PCDH15: variants seen among roughly 807,000 people sequenced by gnomAD.
The protein encoded by PCDH15 is protocadherin related 15, also known as protocadherin-15.
Under a neutral mutation model 178.5 loss-of-function variants are expected in PCDH15, and 129 were observed. That is an observed-to-expected ratio of 0.72 (90% confidence interval 0.63 to 0.84). The LOEUF (loss-of-function observed/expected upper bound fraction) is 0.84. Among genes scored for constraint, PCDH15 ranks in the 40% least tolerant of loss-of-function variants. The pLI, the probability that PCDH15 is intolerant of heterozygous loss-of-function variation, is 0.00. For synonymous variants in PCDH15, 800 were observed against 732.0 expected, an observed-to-expected ratio of 1.09 and a Z score of -1.50; for missense variants, 2,230 against 2,099.9, an observed-to-expected ratio of 1.06 and a Z score of -1.21.
In PCDH15 at chr10:55,000,220, C is replaced by T. The variant is rs541079676; in HGVS notation, c.-79-102720G>A. On this transcript the variant is annotated intron_variant, in intron 2 of 5. Coordinates refer to the PCDH15 transcript ENST00000458638. ...AGGGCTTATTTCATCCCTACAGCTT[C>T]GACCATAAAAGACGGCCACCTGCTG... is the stretch of plus-strand genomic sequence containing the variant. Among the ~76,000 whole-genome samples, 34 of 152,240 alleles carry T rather than the reference C, an allele frequency of 2.2e-4. No individual in the cohort carries two copies. The East Asian group carries it at 5.2e-3, about 23-fold the overall frequency.
intron 1 of PCDH15, among the ~76,000 whole-genome samples, chr10:54,794,076 A>ATATATATT (rs956899661): frequency 6.1e-5 from 9 of 147,818 alleles, no homozygotes; most frequent in African/African-American, 2.2e-4. Flanking sequence ...TTTGAGATAT[A>ATATATATT]TATATATTTC....
intron 1 of PCDH15, among the ~76,000 whole-genome samples, chr10:54,675,403 A>G (rs1461007617): frequency 6.6e-6 from 1 of 151,644 alleles, no homozygotes; most frequent in Admixed American, 6.6e-5. Context: ...AAGATATTTT[A>G]TAAGTGAAAG....
rs138141312 is a variant in PCDH15 at position 53,986,865 on chromosome 10, C to T, written c.2868+8784G>A. ...CAAGGGTTATAAAGTTTTAATTGTG[C>T]TATTTTTGTTCTCATTTTCCAGATG... On this transcript the variant is annotated intron_variant, in intron 21 of 37. Coordinates refer to ENST00000644397, the MANE Select transcript of PCDH15 (RefSeq NM_001384140.1). Among the ~76,000 whole-genome samples the T allele has an allele frequency of 6.3e-4, 96 of 152,218 alleles. 2 individuals carry two copies. The East Asian group carries it at 0.016, about 25-fold the overall frequency.
At chr10:54,362,915 C>T (rs763265917) in intron 5 of PCDH15, among the ~76,000 whole-genome samples, 1 of 151,918 alleles carries the variant, frequency 6.6e-6, no homozygotes, top group Non-Finnish European at 1.5e-5. Context: ...TTGTTTTAAT[C>T]TATGTAATTT....
chr10:54,149,081 C>T (rs1029717119), intron 14 of PCDH15, among the ~76,000 whole-genome samples: 2 of 152,010 alleles, frequency 1.3e-5, no homozygotes, highest in African/African-American at 4.8e-5. Flanking sequence ...TATTTCAGAC[C>T]TTTGAGGCTG....
At chr10:55,494,380 A>T (rs1840487191) in intron 2 of PCDH15, among the ~76,000 whole-genome samples, 1 of 151,748 alleles carries the variant, frequency 6.6e-6, no homozygotes, top group Admixed American at 6.6e-5. Context: ...TGTCCCCTGT[A>T]AACCACAAGT....
chr10:54,635,166 A>G (rs1398285025), intron 2 of PCDH15, among the ~76,000 whole-genome samples: 2 of 146,814 alleles, frequency 1.4e-5, no homozygotes, highest in African/African-American at 5.1e-5. Context: ...GTCTCCTATA[A>G]ATAAATAAAT....
chr10:55,428,415 T>G (rs893275190), intron 2 of PCDH15, among the ~76,000 whole-genome samples: 3 of 151,948 alleles, frequency 2.0e-5, no homozygotes, highest in Admixed American at 6.5e-5. Flanking sequence ...ATGATCTTCA[T>G]TTTTGTAACA....
At chr10:53,954,803 C>A (rs1228536763) in intron 23 of PCDH15, among the ~76,000 whole-genome samples, 1 of 152,140 alleles carries the variant, frequency 6.6e-6, no homozygotes, top group Non-Finnish European at 1.5e-5. Context: ...AATAAATATT[C>A]ATTCTCTTGA....
At chr10:54,599,294 G>T (rs1452432316) in intron 2 of PCDH15, among the ~76,000 whole-genome samples, 2 of 151,962 alleles carry the variant, frequency 1.3e-5, no homozygotes, top group East Asian at 1.9e-4. Context: ...ACATGGTATT[G>T]GTACAAGAAC....
At chr10:54,802,595 AT>A (rs1564520805), upstream of PCDH15, among the ~76,000 whole-genome samples, 1 of 152,224 alleles carries the variant, frequency 6.6e-6, no homozygotes, top group Non-Finnish European at 1.5e-5. Flanking sequence ...AGATTTTAAA[AT>A]TGATGTGTTA....
intron 25 of PCDH15, among the ~76,000 whole-genome samples, chr10:53,911,275 C>G (rs2083068669): frequency 6.6e-6 from 1 of 152,172 alleles, no homozygotes; most frequent in Non-Finnish European, 1.5e-5. Context: ...GACCACAGTG[C>G]AATCAAATTA....
At chr10:54,164,806 TA>T (rs150393852) in intron 13 of PCDH15, among the ~76,000 whole-genome samples, 2,652 of 152,262 alleles carry the variant, frequency 0.017, 88 homozygotes, top group African/African-American at 0.061. Flanking sequence ...TTAGAAGTCA[TA>T]AGATATTATA....
At chr10:54,030,388 T>A (rs956591469) in intron 18 of PCDH15, among the ~76,000 whole-genome samples, 3 of 132,350 alleles carry the variant, frequency 2.3e-5, no homozygotes, top group Non-Finnish European at 3.3e-5. Context: ...TTTTTTTTTT[T>A]AAGGAGCTGA....
At chr10:55,293,670 G>T (rs1267615118) in intron 1 of PCDH15, among the ~76,000 whole-genome samples, 2 of 152,148 alleles carry the variant, frequency 1.3e-5, no homozygotes, top group African/African-American at 4.8e-5. Context: ...AGCAAATGCT[G>T]CCAGCCTCTT....
rs1025192403 is a variant in PCDH15 at position 53,805,202 on chromosome 10, A to C, written c.*1377T>G. ...GTGCATTATTCAGTCCTTCAACCAT[A>C]TATTAAGCATGCATGAGGAAATTTC... On this transcript the variant is annotated 3_prime_UTR_variant, in exon 38 of 38. Transcript: ENST00000644397. The C allele has an allele frequency of 6.6e-6, 1 of 152,056 alleles. No individual in the cohort carries two copies. The highest frequency in any genetic ancestry group is 2.4e-5 in the African/African-American group (1 of 41,436). The allele number at this position is 152,056 out of a possible 1,614,324, so 9.4% of individuals were successfully genotyped here. A position where few individuals can be genotyped will look rare whatever the true frequency, so the allele number is the denominator to read the frequency against.
At chr10:55,255,729 C>T (rs867217949) in intron 1 of PCDH15, among the ~76,000 whole-genome samples, 3 of 152,252 alleles carry the variant, frequency 2.0e-5, no homozygotes, top group Middle Eastern at 3.4e-3. Flanking sequence ...CTTCATGTGT[C>T]TTTTGGCTGC....
At position 55,168,939 on chromosome 10, in the gene PCDH15, A is replaced by G. The variant is rs182478694; in HGVS notation, c.-155-2288T>C. Among the ~76,000 whole-genome samples the G allele has an allele frequency of 1.3e-4, 20 of 152,278 alleles. 1 individual carries two copies. Among genetic ancestry groups the G allele is most frequent in the Admixed American group, 7.8e-4 (12 of 15,290 alleles). ...ATAGAGAGTGTAGGATTTCAATTAA[A>G]CAAATAATTTATGTTTATAAAGATT... is the stretch of plus-strand genomic sequence containing the variant. On this transcript the variant is annotated intron_variant, in intron 1 of 5. Coordinates refer to the PCDH15 transcript ENST00000458638.
At chr10:54,401,674 A>G (rs574284147) in intron 3 of PCDH15, among the ~76,000 whole-genome samples, 17 of 152,060 alleles carry the variant, frequency 1.1e-4, no homozygotes, top group African/African-American at 1.9e-4. Flanking sequence ...TGTAAAACTC[A>G]GTAGCTTAAG....
Sources: gnomAD v4.1 joint callset for allele counts (sites outside exome capture counted in the v4.1 genomes callset) on GRCh38, gnomAD v4.1.1 for gene constraint, MANE v1.5 for transcripts, NCBI Gene and HGNC (gene_info 2026-07-23, HGNC 2026-07-21) for gene names.